PCNX2: variants seen among roughly 807,000 people sequenced by gnomAD.
PCNX2 encodes the protein pecanex 2, also known as pecanex-like protein 2.
Under a neutral mutation model 223.8 loss-of-function variants are expected in PCNX2, and 168 were observed. That is an observed-to-expected ratio of 0.75 (90% confidence interval 0.66 to 0.85). The LOEUF is 0.85. PCNX2 is among the 40% of genes least tolerant of loss of function. The pLI, the probability that PCNX2 is intolerant of heterozygous loss-of-function variation, is 0.00. For missense variants in PCNX2, 2,507 were observed against 2,675.5 expected, an observed-to-expected ratio of 0.94 and a Z score of 1.39; for synonymous variants, 1,006 against 1,052.6, an observed-to-expected ratio of 0.96 and a Z score of 0.86.
intron 23 of PCNX2, among the ~76,000 whole-genome samples, chr1:233,080,065 T>C: frequency 6.6e-6 from 1 of 152,130 alleles, no homozygotes; most frequent in Middle Eastern, 3.2e-3. Context: ...TGAAATGAAA[T>C]AGGAGGCAGG....
chr1:233,114,957 AAGGT>A (rs1675321266), intron 21 of PCNX2, among the ~76,000 whole-genome samples: 2 of 152,098 alleles, frequency 1.3e-5, no homozygotes, highest in African/African-American at 4.8e-5. Context: ...GCTCTGGTAG[AAGGT>A]GGGGAAGATT....
In PCNX2 at chr1:233,028,612, G is replaced by T. The variant is rs369610728; in HGVS notation, c.4352-3213C>A. Among the ~76,000 whole-genome samples the T allele has an allele frequency of 1.4e-3, 214 of 152,196 alleles. 1 individual carries two copies. The highest frequency in any genetic ancestry group is 4.8e-3 in the African/African-American group (199 of 41,534). ...TTTTTAAATAGCACAAAACAAATAG[G>T]TGTGAGGGTTCCTAAGACTCTCCAG... is the stretch of plus-strand genomic sequence containing the variant. On this transcript the variant is annotated intron_variant, in intron 25 of 33. Transcript: ENST00000258229.
At chr1:233,262,882 A>G in intron 2 of PCNX2, 76 bp downstream of exon 2, 1 of 1,395,948 alleles carries the variant, frequency 7.2e-7, no homozygotes, top group Non-Finnish European at 1.0e-6. Flanking sequence ...AATTTCATAA[A>G]CACTGATAAA....
intron 21 of PCNX2, among the ~76,000 whole-genome samples, chr1:233,130,600 T>G (rs1468440538): frequency 6.6e-6 from 1 of 151,788 alleles, no homozygotes; most frequent in African/African-American, 2.4e-5. Flanking sequence ...TTCTCCTGCC[T>G]CAGCCTCCTG....
chr1:233,136,684 C>G (rs1039525879), intron 20 of PCNX2, among the ~76,000 whole-genome samples: 1 of 152,234 alleles, frequency 6.6e-6, no homozygotes, highest in South Asian at 2.1e-4. Flanking sequence ...TTTTCCAGTG[C>G]GCAACTAATG....
chr1:233,031,683 G>A (rs1203796931), intron 25 of PCNX2: 14 of 932,644 alleles, frequency 1.5e-5, no homozygotes, highest in Non-Finnish European at 1.8e-5. Context: ...CCAGCCGGCT[G>A]CATTCATAAA....
chr1:233,298,309 T>TGCCATG (rs1662205489), upstream of PCNX2, among the ~76,000 whole-genome samples: 1 of 152,174 alleles, frequency 6.6e-6, no homozygotes, highest in Non-Finnish European at 1.5e-5. Context: ...TAGTGTCAAG[T>TGCCATG]GCCATAGAAG....
intron 13 of PCNX2, among the ~76,000 whole-genome samples, chr1:233,200,484 A>C (rs1681015001): frequency 1.3e-5 from 2 of 148,568 alleles, no homozygotes; most frequent in African/African-American, 5.0e-5. Context: ...CCATGGAAGC[A>C]ATCTTAGACT....
intron 27 of PCNX2, 35 bp from the exon 28 acceptor site, chr1:233,014,812 A>G (rs1260129264): frequency 2.6e-6 from 4 of 1,516,972 alleles, no homozygotes; most frequent in Middle Eastern, 1.8e-4. Context: ...GCTTTCACAC[A>G]GATTCCAATA....
chr1:233,235,787 A>T (rs952995862), intron 9 of PCNX2, among the ~76,000 whole-genome samples: 2 of 151,560 alleles, frequency 1.3e-5, no homozygotes, highest in African/African-American at 4.9e-5. Flanking sequence ...TTTTTAGTAG[A>T]GATGGGGTCT....
the PCNX2 span, among the ~76,000 whole-genome samples, chr1:233,319,462 C>T: frequency 2.6e-5 from 4 of 152,204 alleles, no homozygotes; most frequent in South Asian, 4.1e-4. Context: ...AGCATAATCA[C>T]GCTCTGAGCT....
At chr1:233,178,276 C>T (rs1185670007) in intron 16 of PCNX2, among the ~76,000 whole-genome samples, 1 of 152,118 alleles carries the variant, frequency 6.6e-6, no homozygotes, top group Non-Finnish European at 1.5e-5. Context: ...CTTTTGTTTC[C>T]CCCATTTTTC....
chr1:233,178,898 T>C (rs1409114720), intron 16 of PCNX2, among the ~76,000 whole-genome samples, 168 bp downstream of exon 16: 2 of 152,236 alleles, frequency 1.3e-5, no homozygotes, highest in Admixed American at 1.3e-4. Context: ...TTCTGGCTGG[T>C]CCTGTATTTC....
chr1:233,178,764 G>C (rs4649438), intron 16 of PCNX2, among the ~76,000 whole-genome samples: 1 of 152,038 alleles, frequency 6.6e-6, no homozygotes, highest in South Asian at 2.1e-4. Flanking sequence ...GCTCACCCAA[G>C]GGAAAGTCAC....
chr1:233,241,205 C>T (rs1284862721), intron 8 of PCNX2: 9 of 985,236 alleles, frequency 9.1e-6, no homozygotes, highest in Admixed American at 1.2e-4. Context: ...GTGTGAGTAT[C>T]GGAGAAAAAG....
At chr1:233,078,840 A>C (rs1572078901) in intron 23 of PCNX2, among the ~76,000 whole-genome samples, 1 of 152,240 alleles carries the variant, frequency 6.6e-6, no homozygotes, top group Non-Finnish European at 1.5e-5. Context: ...AACATACTGG[A>C]CTTCCTCAAA....
At chr1:233,170,175 G>T (rs1466786310) in intron 17 of PCNX2, among the ~76,000 whole-genome samples, 1 of 152,206 alleles carries the variant, frequency 6.6e-6, no homozygotes, top group Non-Finnish European at 1.5e-5. Flanking sequence ...GTACCTAGGA[G>T]TAGAATTGCT....
intron 17 of PCNX2, among the ~76,000 whole-genome samples, chr1:233,173,745 GTTAGT>G (rs1247359234): frequency 6.6e-6 from 1 of 152,072 alleles, no homozygotes; most frequent in Non-Finnish European, 1.5e-5. Flanking sequence ...AACTGCGGTA[GTTAGT>G]TTACTTTATT....
At chr1:233,203,931 C>G (rs913074264) in intron 13 of PCNX2, among the ~76,000 whole-genome samples, 3 of 152,202 alleles carry the variant, frequency 2.0e-5, no homozygotes, top group African/African-American at 7.2e-5. Flanking sequence ...CCCAACACAG[C>G]ATGAGAAGCA....
Sources: allele counts gnomAD v4.1 joint callset (sites outside exome capture counted in the v4.1 genomes callset), GRCh38; gene constraint gnomAD v4.1.1; transcripts MANE v1.5; gene names NCBI Gene and HGNC (gene_info 2026-07-23, HGNC 2026-07-21).